Variants in PPWD1 observed in about 807,000 individuals in gnomAD.
The protein encoded by PPWD1 is peptidylprolyl isomerase domain and WD repeat-containing protein 1.
Under a neutral mutation model 68.8 loss-of-function variants are expected in PPWD1, and 43 were observed. The ratio of observed to expected loss-of-function variants is 0.62; its 90% CI spans 0.49 to 0.81. The LOEUF is 0.81. PPWD1 is among the 30% of genes least tolerant of loss of function. The probability of loss-of-function intolerance (pLI) is 0.00; values close to 1 mark genes in which losing one functional copy is unlikely to be tolerated. For synonymous variants in PPWD1, 232 were observed against 258.7 expected (o/e 0.90, Z 0.99); for missense variants, 672 against 804.8 (o/e 0.83, Z 2.00).
At chr5:65,565,437 A>G (rs1176238800) in intron 1 of PPWD1, among the ~76,000 whole-genome samples, 1 of 152,222 alleles carries the variant, frequency 6.6e-6, no homozygotes, top group Non-Finnish European at 1.5e-5. Context: ...TATAAACTTA[A>G]TATAACGGAG....
chr5:65,582,362 G>A (rs541800494), intron 7 of PPWD1, among the ~76,000 whole-genome samples: 2 of 152,240 alleles, frequency 1.3e-5, no homozygotes, highest in African/African-American at 4.8e-5. Context: ...CTATGCTTCA[G>A]GGTTTAGATT....
intron 5 of PPWD1, 194 bp from the exon 6 acceptor site, chr5:65,576,685 T>A: frequency 1.2e-6 from 1 of 831,826 alleles, no homozygotes; most frequent in South Asian, 5.5e-5. Flanking sequence ...TGAAATACTA[T>A]TTTTTAGTGA....
intron 5 of PPWD1, among the ~76,000 whole-genome samples, chr5:65,573,176 C>T (rs1753092369): frequency 2.1e-5 from 2 of 95,748 alleles, no homozygotes; most frequent in South Asian, 3.6e-4. Flanking sequence ...GAGTGAGGCC[C>T]TCCCTCCTCA....
intron 1 of PPWD1, 110 bp from the exon 2 acceptor site, chr5:65,567,403 C>A: frequency 2.2e-6 from 3 of 1,347,596 alleles, no homozygotes; most frequent in Non-Finnish European, 1.9e-6. Flanking sequence ...AACTAAAATC[C>A]AGGAGAAAAT....
At chr5:65,570,410 A>G in intron 4 of PPWD1, 1 of 744,752 alleles carries the variant, frequency 1.3e-6, no homozygotes, top group Non-Finnish European at 1.6e-6. Flanking sequence ...ACTTTGGAAT[A>G]TATTGATACT....
At chr5:65,583,419 T>C in intron 8 of PPWD1, 200 bp downstream of exon 8, 1 of 427,158 alleles carries the variant, frequency 2.3e-6, no homozygotes, top group East Asian at 4.1e-5. Context: ...ATATACTTTA[T>C]AGGTTCATTA....
chr5:65,564,070 A>G (rs1752515856), intron 1 of PPWD1: 5 of 548,728 alleles, frequency 9.1e-6, no homozygotes, highest in Non-Finnish European at 1.6e-5. Flanking sequence ...TGGTTTTGAA[A>G]TCACGCTCTT....
chr5:65,575,368 G>C (rs981944817), intron 5 of PPWD1, among the ~76,000 whole-genome samples: 1 of 152,188 alleles, frequency 6.6e-6, no homozygotes, highest in Non-Finnish European at 1.5e-5. Flanking sequence ...CAGTCTCCCT[G>C]TCTTTGAGAC....
chr5:65,566,796 C>T, intron 1 of PPWD1, among the ~76,000 whole-genome samples: 1 of 148,738 alleles, frequency 6.7e-6, no homozygotes, highest in Non-Finnish European at 1.5e-5. Flanking sequence ...ACTTCCCTCC[C>T]TCATTCTCTC....
At chr5:65,570,315 T>C (rs1752957944) in intron 4 of PPWD1, 2 of 888,134 alleles carry the variant, frequency 2.3e-6, no homozygotes, top group South Asian at 1.0e-4. Context: ...ACTTCCTTGC[T>C]TTACTTATTT....
Position 65,572,075 on chromosome 5 carries a change from C to T in PPWD1, c.758C>T (p.Pro253Leu), listed in dbSNP as rs751060137. ...GGGATGATTGAATACTGGACTGGGC[C>T]TCCTCATGAATATAAATTCCCCAAA... Reference protein sequence around the residue: ...KSGMIEYWTGPPHEYKFPKNV... With the variant: ...KSGMIEYWTGLPHEYKFPKNV... Residue 253 changes from proline to leucine, a missense_variant, in exon 5 of 11, where the codon CCT becomes CTT. Physicochemically the swap from Pro to Leu is moderately conservative, Grantham distance 98. Around this residue, in one of 2 missense-constraint regions of PPWD1, gnomAD observed 484 missense variants for 646.2 expected, o/e 0.75. Coordinates refer to ENST00000261308, the MANE Select transcript of PPWD1 (RefSeq NM_015342.4). The T allele has an allele frequency of 6.2e-7, 1 of 1,613,620 alleles. No individual in the cohort carries two copies. Among genetic ancestry groups the T allele is most frequent in the African/African-American group, 1.3e-5 (1 of 75,008 alleles).
chr5:65,575,175 A>C (rs1312433132), intron 5 of PPWD1, among the ~76,000 whole-genome samples: 1 of 152,224 alleles, frequency 6.6e-6, no homozygotes, highest in Non-Finnish European at 1.5e-5. Context: ...CTGATCAGGT[A>C]CTTACCAGGT....
At position 65,563,307 on chromosome 5, in the gene PPWD1, C is replaced by T. The variant is rs1195579971; in HGVS notation, c.-4C>T. On this transcript the variant is annotated 5_prime_UTR_variant, in exon 1 of 11. Transcript: ENST00000261308. ...GTCGCGCCTTTTCTGACGATGCGAA[C>T]AACATGGCGGCGGAAAGTGGTAGCG... 2 of 1,611,550 alleles carry T rather than the reference C, an allele frequency of 1.2e-6. No individual in the cohort carries two copies. The highest frequency in any genetic ancestry group is 1.7e-5 in the Admixed American group (1 of 59,606).
intron 6 of PPWD1, 38 bp from the exon 7 acceptor site, chr5:65,579,386 C>T (rs372326593): frequency 3.2e-4 from 458 of 1,417,884 alleles, no homozygotes; most frequent in Non-Finnish European, 4.0e-4. Flanking sequence ...GAATTAACTT[C>T]GGTGATTCTG....
At chr5:65,564,318 C>CTTTTTT (rs550753414) in intron 1 of PPWD1, among the ~76,000 whole-genome samples, 20 of 117,200 alleles carry the variant, frequency 1.7e-4, no homozygotes, top group Admixed American at 2.8e-4. Context: ...TTTTCTCTCT[C>CTTTTTT]TTTTTTTTTT....
chr5:65,576,208 A>T, intron 5 of PPWD1: 1 of 506,460 alleles, frequency 2.0e-6, no homozygotes, highest in Non-Finnish European at 2.5e-6. Context: ...TAATGTTACT[A>T]GACACTTTAA....
At chr5:65,585,166 G>A (rs551024938) in intron 9 of PPWD1, 71 bp downstream of exon 9, 1 of 1,424,446 alleles carries the variant, frequency 7.0e-7, no homozygotes, top group East Asian at 2.3e-5. Flanking sequence ...TAAGCGCAAG[G>A]AATCTTCTTC....
At chr5:65,576,217 A>G (rs1753272951) in intron 5 of PPWD1, 27 of 627,030 alleles carry the variant, frequency 4.3e-5, no homozygotes, top group Non-Finnish European at 5.4e-5. Context: ...TAGACACTTT[A>G]AAATTACCTA....
chr5:65,584,036 A>C (rs1753713529), intron 8 of PPWD1, among the ~76,000 whole-genome samples: 1 of 152,200 alleles, frequency 6.6e-6, no homozygotes. Context: ...AAGACTGTAA[A>C]ATTAACATAC....
Sources: allele counts gnomAD v4.1 joint callset (sites outside exome capture counted in the v4.1 genomes callset), GRCh38; gene constraint gnomAD v4.1.1; regional missense constraint gnomAD v4.1.1; transcripts MANE v1.5; gene names NCBI Gene and HGNC (gene_info 2026-07-23, HGNC 2026-07-21).